CPNE8: variants seen among roughly 807,000 people sequenced by gnomAD.
The protein encoded by CPNE8 is copine-8.
Under a neutral mutation model 81.5 loss-of-function variants are expected in CPNE8, and 45 were observed. The ratio of observed to expected loss-of-function variants is 0.55; its 90% CI spans 0.44 to 0.71. The LOEUF is 0.71. Among genes scored for constraint, CPNE8 ranks in the 30% least tolerant of loss-of-function variants. CPNE8 has a pLI of 0.00. For missense variants in CPNE8, 594 were observed against 672.1 expected (o/e 0.88, Z 1.28); for synonymous variants, 252 against 226.3 (o/e 1.11, Z -1.02).
rs371098054 is a variant in CPNE8 at position 38,835,350 on chromosome 12, A to C, written c.330+4566T>G. Among the ~76,000 whole-genome samples, 10 of 152,148 alleles carry C rather than the reference A, an allele frequency of 6.6e-5. No homozygotes were observed. The South Asian group carries it at 2.1e-3, about 32-fold the overall frequency. On this transcript the variant is annotated intron_variant, in intron 5 of 19. Transcript: ENST00000331366. The stretch of plus-strand genomic sequence containing the variant: ...TGGTTTAGGGAAACTTCAGCTTCTG[A>C]CTACTGGTGCTTCTCCAGTCACTCT...
intron 17 of CPNE8, among the ~76,000 whole-genome samples, chr12:38,677,043 TAATC>T (rs1939305901): frequency 6.6e-6 from 1 of 152,254 alleles, no homozygotes; most frequent in Middle Eastern, 3.4e-3. Context: ...GATGGTTTTT[TAATC>T]AATCAGTCAC....
intron 13 of CPNE8, among the ~76,000 whole-genome samples, chr12:38,712,683 G>C (rs954516637): frequency 6.6e-6 from 1 of 152,170 alleles, no homozygotes; most frequent in African/African-American, 2.4e-5. Context: ...TAGCCTTTAA[G>C]ATTAGCTTAT....
At chr12:38,814,309 C>CTTTTT (rs61444154) in intron 6 of CPNE8, among the ~76,000 whole-genome samples, 3 of 49,168 alleles carry the variant, frequency 6.1e-5, no homozygotes, top group Non-Finnish European at 1.0e-4. Context: ...CCAGACCTGG[C>CTTTTT]TTTTTTTTTT....
intron 14 of CPNE8, among the ~76,000 whole-genome samples, chr12:38,696,467 T>C (rs148167886): frequency 4.6e-5 from 7 of 152,190 alleles, no homozygotes; most frequent in Admixed American, 1.3e-4. Flanking sequence ...AAGATGCTTT[T>C]AAACAATGAA....
At position 38,723,875 on chromosome 12, in the gene CPNE8, A is replaced by AC. The variant is rs537848272; in HGVS notation, c.853-43dup. 831 of 1,135,746 alleles carry AC rather than the reference A, an allele frequency of 7.3e-4. 3 individuals are homozygous for AC. The highest frequency in any genetic ancestry group is 4.2e-4 in the Non-Finnish European group (321 of 755,888). 70.4% of individuals were successfully genotyped at this position (1,135,746 alleles called of 1,614,324 possible). On this transcript the variant is annotated intron_variant, in intron 12 of 19. Coordinates refer to ENST00000331366, the MANE Select transcript of CPNE8 (RefSeq NM_153634.3). ...CAGAATTACCTTCTAGTTGTTTGTG[A>AC]CCCCAAATAGACCTTTCTAATTATT...
intron 5 of CPNE8, among the ~76,000 whole-genome samples, chr12:38,833,222 G>A (rs1943319963): frequency 6.6e-6 from 1 of 151,642 alleles, no homozygotes; most frequent in South Asian, 2.1e-4. Flanking sequence ...ATATGGTGCT[G>A]TGTGCCTGTA....
chr12:38,858,160 G>A (rs1298758928), intron 3 of CPNE8, among the ~76,000 whole-genome samples: 2 of 152,184 alleles, frequency 1.3e-5, no homozygotes, highest in Non-Finnish European at 2.9e-5. Flanking sequence ...TGGGAAAGTA[G>A]GAGCCTAATT....
intron 10 of CPNE8, among the ~76,000 whole-genome samples, chr12:38,747,813 A>G (rs971573493): frequency 8.5e-5 from 13 of 152,064 alleles, no homozygotes; most frequent in Admixed American, 7.9e-4. Flanking sequence ...TCAATTTAAG[A>G]TATATTATTA....
chr12:38,806,871 A>C (rs1398558854), intron 6 of CPNE8, among the ~76,000 whole-genome samples: 1 of 150,948 alleles, frequency 6.6e-6, no homozygotes, highest in Non-Finnish European at 1.5e-5. Flanking sequence ...CTCAGCCCAA[A>C]ATCTCCTTAA....
intron 10 of CPNE8, among the ~76,000 whole-genome samples, chr12:38,748,629 T>C (rs961765972): frequency 3.9e-5 from 6 of 152,040 alleles, no homozygotes; most frequent in Admixed American, 6.6e-5. Context: ...GCCTCCCAAG[T>C]AGCTGGGACT....
intron 1 of CPNE8, among the ~76,000 whole-genome samples, chr12:38,877,748 C>T (rs376116229): frequency 7.9e-5 from 12 of 152,012 alleles, no homozygotes; most frequent in East Asian, 1.9e-4. Flanking sequence ...TAACTAAAGC[C>T]GAGGCCCAGC....
At chr12:38,745,864 G>T (rs1941214334) in intron 10 of CPNE8, among the ~76,000 whole-genome samples, 1 of 152,138 alleles carries the variant, frequency 6.6e-6, no homozygotes, top group South Asian at 2.1e-4. Flanking sequence ...TGCTATTCCA[G>T]AATGAGTTTC....
chr12:38,730,935 T>C (rs962978094), intron 10 of CPNE8, among the ~76,000 whole-genome samples: 8 of 151,900 alleles, frequency 5.3e-5, no homozygotes, highest in African/African-American at 1.9e-4. Flanking sequence ...TAATCATCAC[T>C]ACCTTCTCAG....
chr12:38,864,097 C>T (rs148375955), intron 3 of CPNE8, among the ~76,000 whole-genome samples: 3 of 151,584 alleles, frequency 2.0e-5, no homozygotes, highest in African/African-American at 7.3e-5. Flanking sequence ...CTCCTGTCAC[C>T]GCTTTTATTC....
intron 19 of CPNE8, among the ~76,000 whole-genome samples, chr12:38,666,080 T>C (rs1939051312): frequency 1.3e-5 from 2 of 152,170 alleles, no homozygotes; most frequent in Admixed American, 6.6e-5. Flanking sequence ...ATATCTTATA[T>C]ACTTTTAATG....
chr12:38,714,981 T>C (rs1940350328), intron 13 of CPNE8, among the ~76,000 whole-genome samples: 1 of 152,130 alleles, frequency 6.6e-6, no homozygotes, highest in Admixed American at 6.5e-5. Flanking sequence ...CAATTTTGTT[T>C]AGTATTTAAA....
rs1048129203 is a variant in CPNE8 at position 38,730,301 on chromosome 12, T to C, written c.780A>G (p.Ser260=). The C allele has an allele frequency of 1.1e-5, 18 of 1,590,850 alleles. No homozygotes were observed. The highest frequency in any genetic ancestry group is 1.6e-5 in the Non-Finnish European group (18 of 1,160,306). ...CTCTTACCTCATATACGTTGAATTG[T>C]GACTGCCCTCTAGAAAGTTCCCTAT... ...TSYRELSRGQ[S]QFNVYEVVNP... is the part of the protein sequence containing the mutation. The change falls in exon 11 of 20, where the codon TCA becomes TCG. Residue 260 remains serine, a synonymous_variant. Transcript: ENST00000331366.
intron 6 of CPNE8, among the ~76,000 whole-genome samples, chr12:38,782,556 CAGAA>C (rs746470949): frequency 6.6e-6 from 1 of 151,928 alleles, no homozygotes; most frequent in Non-Finnish European, 1.5e-5. Context: ...TCAAATGACT[CAGAA>C]AGAAAGACCT....
chr12:38,757,441 C>T (rs1342472788), intron 10 of CPNE8, among the ~76,000 whole-genome samples: 1 of 151,578 alleles, frequency 6.6e-6, no homozygotes, highest in Non-Finnish European at 1.5e-5. Flanking sequence ...TATAATAATC[C>T]ACACAGTGAT....
Sources: allele counts gnomAD v4.1 joint callset (sites outside exome capture counted in the v4.1 genomes callset), GRCh38; gene constraint gnomAD v4.1.1; transcripts MANE v1.5; gene names NCBI Gene and HGNC (gene_info 2026-07-23, HGNC 2026-07-21).